Variants in PCDHA11 observed in about 807,000 individuals in gnomAD.
PCDHA11 encodes protocadherin alpha-11.
A neutral mutation model predicts 70.3 loss-of-function variants in PCDHA11; 61 were observed. That is an observed-to-expected ratio of 0.87 (90% confidence interval 0.71 to 1.07). The LOEUF is 1.07. Ranked by LOEUF, PCDHA11 falls within the 50% of genes least tolerant of loss-of-function variation. The pLI is 0.00. For synonymous variants in PCDHA11, 633 were observed against 555.1 expected, an observed-to-expected ratio of 1.14 and a Z score of -1.97; for missense variants, 1,324 against 1,237.5, an observed-to-expected ratio of 1.07 and a Z score of -1.05.
At chr5:141,003,676 C>T (rs2098133802) in intron 3 of PCDHA11, among the ~76,000 whole-genome samples, 2 of 152,124 alleles carry the variant, frequency 1.3e-5, no homozygotes, top group East Asian at 1.9e-4. Context: ...ATATGTTGTT[C>T]TGATTTTAAA....
intron 1 of PCDHA11, among the ~76,000 whole-genome samples, chr5:140,947,996 T>G (rs185303145): frequency 1.1e-4 from 14 of 126,854 alleles, no homozygotes; most frequent in Non-Finnish European, 2.3e-4. Flanking sequence ...CCAAATACTT[T>G]ATTAAATTTA....
rs552832365 is a variant in PCDHA11, at chr5:140,928,668, T to C, written c.2392-50281T>C. ...TAGCAGAGGATGCTGACAGTGGTTC[T>C]AATGCCTGGCTTTCCTACCACATCT... is the stretch of plus-strand genomic sequence containing the variant. On this transcript the variant is annotated intron_variant, in intron 1 of 3. Transcript: ENST00000398640. The C allele has an allele frequency of 2.4e-4, 388 of 1,614,234 alleles. 3 individuals are homozygous for C. The South Asian group carries it at 4.0e-3, about 17-fold the overall frequency.
chr5:140,877,840 G>A, intron 1 of PCDHA11: 1 of 1,580,394 alleles, frequency 6.3e-7, no homozygotes, highest in South Asian at 1.2e-5. Context: ...TCCCAGTGAA[G>A]TAAGTTATTA....
intron 1 of PCDHA11, among the ~76,000 whole-genome samples, chr5:140,898,597 G>T (rs1452719602): frequency 6.6e-6 from 1 of 152,186 alleles, no homozygotes; most frequent in Non-Finnish European, 1.5e-5. Context: ...CTGTAGCCTT[G>T]TAGTATAGTT....
intron 1 of PCDHA11, among the ~76,000 whole-genome samples, chr5:140,902,728 C>T (rs1280424808): frequency 6.6e-6 from 1 of 151,858 alleles, no homozygotes; most frequent in Non-Finnish European, 1.5e-5. Flanking sequence ...ACCCTTCCCT[C>T]CAAGTCCCCC....
intron 3 of PCDHA11, among the ~76,000 whole-genome samples, chr5:141,006,275 G>C (rs782763386): frequency 6.6e-6 from 1 of 151,772 alleles, no homozygotes; most frequent in Non-Finnish European, 1.5e-5. Flanking sequence ...GCAGTGGCAC[G>C]ATCTCAGCTC....
At chr5:140,914,439 T>A (rs1352001626) in intron 1 of PCDHA11, among the ~76,000 whole-genome samples, 2 of 152,310 alleles carry the variant, frequency 1.3e-5, no homozygotes, top group South Asian at 2.1e-4. Context: ...TCTTTTCCCA[T>A]GTCTTTATTT....
At chr5:140,965,237 G>A (rs2095882583) in intron 1 of PCDHA11, among the ~76,000 whole-genome samples, 1 of 152,204 alleles carries the variant, frequency 6.6e-6, no homozygotes, top group African/African-American at 2.4e-5. Context: ...AACCTGGGAA[G>A]AGTGAATATT....
intron 3 of PCDHA11, among the ~76,000 whole-genome samples, chr5:140,993,781 A>T (rs1587593339): frequency 6.6e-6 from 1 of 152,216 alleles, no homozygotes; most frequent in African/African-American, 2.4e-5. Flanking sequence ...TATTTTGTAC[A>T]GTAACATGCT....
At chr5:140,999,554 G>T (rs2097862771) in intron 3 of PCDHA11, among the ~76,000 whole-genome samples, 1 of 152,158 alleles carries the variant, frequency 6.6e-6, no homozygotes, top group Non-Finnish European at 1.5e-5. Context: ...TGAAGAGGGG[G>T]TATTTTGAGA....
chr5:140,892,596 T>C (rs143701120), intron 1 of PCDHA11, among the ~76,000 whole-genome samples: 79 of 152,254 alleles, frequency 5.2e-4, no homozygotes, highest in African/African-American at 1.4e-3. Flanking sequence ...CATTCACCTA[T>C]TTTTTTCCTT....
chr5:140,928,276 GC>G, intron 1 of PCDHA11: 1 of 1,614,172 alleles, frequency 6.2e-7, no homozygotes. Flanking sequence ...TGGCCCTGGG[GC>G]CTCTCTAGGC....
In PCDHA11 at chr5:140,929,084, T is replaced by C; in HGVS notation, c.2392-49865T>C. On this transcript the variant is annotated intron_variant, in intron 1 of 3. Transcript: ENST00000398640. ...GAGGATCTGAGGTATGGAAGTAAGATGGTTTCAAATCCTTGCATGACATCA... is the reference window on the plus strand; with the variant it reads ...GAGGATCTGAGGTATGGAAGTAAGACGGTTTCAAATCCTTGCATGACATCA... The C allele has an allele frequency of 1.9e-6, 3 of 1,614,160 alleles. No individual in the cohort carries two copies. The South Asian group carries it at 3.3e-5, about 18-fold the overall frequency.
intron 2 of PCDHA11, 155 bp downstream of exon 2, chr5:140,979,162 T>C: frequency 2.1e-6 from 2 of 975,444 alleles, no homozygotes; most frequent in Non-Finnish European, 2.4e-6. Context: ...TGTTTATTCC[T>C]TGAAAGATCG....
At chr5:140,888,593 A>C (rs1165427237) in intron 1 of PCDHA11, among the ~76,000 whole-genome samples, 1 of 152,256 alleles carries the variant, frequency 6.6e-6, no homozygotes, top group Admixed American at 6.5e-5. Context: ...GTACACATTC[A>C]GAGCAGCTTT....
chr5:140,931,409 A>G (rs1172534741), intron 1 of PCDHA11, among the ~76,000 whole-genome samples: 1 of 152,082 alleles, frequency 6.6e-6, no homozygotes, highest in African/African-American at 2.4e-5. Flanking sequence ...AGGAAGGCTG[A>G]TGAATCTAGA....
rs1554163237 is a variant in PCDHA11 at position 140,869,568 on chromosome 5, G to C, written c.465G>C (p.Glu155Asp). 1 of 1,614,168 alleles carries C rather than the reference G, an allele frequency of 6.2e-7. No individual in the cohort carries two copies. The highest frequency in any genetic ancestry group is 2.2e-5 in the East Asian group (1 of 44,886). The stretch of plus-strand genomic sequence containing the variant: ...AATCGGACTCGCGTTTTCCACTAGA[G>C]GGAGCTTCTGATGCTGACATTGAAG... ...SKQSDSRFPL[E>D]GASDADIEEN... is the part of the protein sequence containing the mutation. Residue 155 changes from glutamate (E) to aspartate (D), a missense_variant, in exon 1 of 4, where the codon GAG becomes GAC. Coordinates refer to ENST00000398640, the MANE Select transcript of PCDHA11 (RefSeq NM_018902.5).
At chr5:140,941,666 C>G (rs1029878263) in intron 1 of PCDHA11, among the ~76,000 whole-genome samples, 4 of 152,004 alleles carry the variant, frequency 2.6e-5, no homozygotes, top group Non-Finnish European at 4.4e-5. Context: ...AATTTTATGT[C>G]AAGTTCAATA....
At chr5:141,009,036 T>C (rs782309668) in intron 3 of PCDHA11, among the ~76,000 whole-genome samples, 7 of 152,242 alleles carry the variant, frequency 4.6e-5, no homozygotes, top group Non-Finnish European at 1.0e-4. Context: ...TCCCATCCCG[T>C]TCCCAGTCAA....
Sources: gnomAD v4.1 joint callset for allele counts (sites outside exome capture counted in the v4.1 genomes callset) on GRCh38, gnomAD v4.1.1 for gene constraint, MANE v1.5 for transcripts, NCBI Gene and HGNC (gene_info 2026-07-23, HGNC 2026-07-21) for gene names.